PLPPR1: variants seen among roughly 807,000 people sequenced by gnomAD.
PLPPR1 encodes phospholipid phosphatase-related protein type 1.
A neutral mutation model predicts 33.1 loss-of-function variants in PLPPR1; 10 were observed. That is an observed-to-expected ratio of 0.30 (90% CI 0.19 to 0.51). The LOEUF is 0.51. Ranked by LOEUF, PLPPR1 falls within the 20% of genes least tolerant of loss-of-function variation. The probability of loss-of-function intolerance (pLI) is 0.97; values close to 1 mark genes in which losing one functional copy is unlikely to be tolerated. For synonymous variants in PLPPR1, 151 were observed against 151.0 expected (o/e 1.00, Z 0.00); for missense variants, 304 against 408.1 (o/e 0.74, Z 2.20).
intron 1 of PLPPR1, among the ~76,000 whole-genome samples, chr9:101,030,116 T>C (rs1005212732): frequency 6.6e-6 from 1 of 151,990 alleles, no homozygotes; most frequent in Non-Finnish European, 1.5e-5. Flanking sequence ...GAAAAGGATT[T>C]CCTAAAATCC....
At chr9:101,220,254 A>G (rs999928036) in intron 2 of PLPPR1, among the ~76,000 whole-genome samples, 2 of 152,210 alleles carry the variant, frequency 1.3e-5, no homozygotes, top group African/African-American at 4.8e-5. Flanking sequence ...TGATACTTCT[A>G]TATGAACTTC....
chr9:101,103,287 G>A (rs12340172), intron 1 of PLPPR1, among the ~76,000 whole-genome samples: 228 of 91,310 alleles, frequency 2.5e-3, no homozygotes, highest in Middle Eastern at 0.013. Flanking sequence ...TAGGTCTAAC[G>A]TTTAAATCTT....
chr9:101,296,378 G>A (rs1437376495), intron 4 of PLPPR1, among the ~76,000 whole-genome samples: 1 of 151,510 alleles, frequency 6.6e-6, no homozygotes, highest in African/African-American at 2.5e-5. Flanking sequence ...AACCATTGTG[G>A]AAGTCAGTGT....
intron 1 of PLPPR1, among the ~76,000 whole-genome samples, chr9:101,054,797 C>G (rs941544561): frequency 1.3e-5 from 2 of 152,164 alleles, no homozygotes; most frequent in African/African-American, 4.8e-5. Flanking sequence ...GCCGCAAAAC[C>G]TCTCCGTGTG....
At chr9:101,239,029 C>T (rs1364617285) in intron 2 of PLPPR1, among the ~76,000 whole-genome samples, 1 of 150,188 alleles carries the variant, frequency 6.7e-6, no homozygotes, top group African/African-American at 2.5e-5. Context: ...TCAAGGCTTA[C>T]TCATGCTGAA....
chr9:101,281,033 C>CA (rs1017734822), intron 3 of PLPPR1, among the ~76,000 whole-genome samples: 13 of 151,400 alleles, frequency 8.6e-5, no homozygotes, highest in African/African-American at 2.4e-4. Context: ...AAGACTCCAC[C>CA]AAAAAAAACC....
intron 5 of PLPPR1, among the ~76,000 whole-genome samples, chr9:101,309,687 A>T (rs1319941135): frequency 6.6e-6 from 1 of 152,050 alleles, no homozygotes; most frequent in Non-Finnish European, 1.5e-5. Flanking sequence ...ATGTTTTGAT[A>T]ATCACCTAAT....
chr9:101,160,514 A>G (rs1042418709), intron 1 of PLPPR1, among the ~76,000 whole-genome samples: 1 of 152,194 alleles, frequency 6.6e-6, no homozygotes, highest in Non-Finnish European at 1.5e-5. Flanking sequence ...TTGGGTCTTC[A>G]AACTTTCATC....
At chr9:101,073,488 A>AG (rs1301924453) in intron 1 of PLPPR1, among the ~76,000 whole-genome samples, 4 of 151,828 alleles carry the variant, frequency 2.6e-5, no homozygotes, top group African/African-American at 9.7e-5. Flanking sequence ...TATGCTAAAA[A>AG]AAAAAGCTCA....
At chr9:101,078,170 GAAGAA>G (rs1830567828) in intron 1 of PLPPR1, among the ~76,000 whole-genome samples, 1 of 40,364 alleles carries the variant, frequency 2.5e-5, no homozygotes, top group Admixed American at 2.6e-4. Context: ...AGAAGAAGAA[GAAGAA>G]GAAGAAGAAG....
At chr9:101,138,636 G>A (rs997380035) in intron 1 of PLPPR1, among the ~76,000 whole-genome samples, 1 of 152,206 alleles carries the variant, frequency 6.6e-6, no homozygotes, top group Non-Finnish European at 1.5e-5. Context: ...GCTCTCACTA[G>A]CTGTGTGACC....
intron 3 of PLPPR1, among the ~76,000 whole-genome samples, chr9:101,283,667 T>C (rs1828341049): frequency 6.6e-6 from 1 of 152,052 alleles, no homozygotes; most frequent in Non-Finnish European, 1.5e-5. Flanking sequence ...TACATCAAAC[T>C]AAAATGCTTC....
intron 2 of PLPPR1, among the ~76,000 whole-genome samples, chr9:101,234,349 G>T (rs1827251663): frequency 6.6e-6 from 1 of 151,810 alleles, no homozygotes; most frequent in Admixed American, 6.6e-5. Context: ...GTTCTAAAAA[G>T]TTTTCTCATC....
intron 1 of PLPPR1, among the ~76,000 whole-genome samples, chr9:101,167,398 G>T (rs914972838): frequency 6.6e-5 from 10 of 150,926 alleles, no homozygotes; most frequent in Admixed American, 2.6e-4. Flanking sequence ...GACCATAAAG[G>T]GCTGTCTAAT....
At chr9:101,239,115 A>G (rs1483314729) in intron 2 of PLPPR1, among the ~76,000 whole-genome samples, 2 of 150,676 alleles carry the variant, frequency 1.3e-5, no homozygotes, top group African/African-American at 2.4e-5. Context: ...TTCTTTATGC[A>G]TTTATTTGTT....
intron 1 of PLPPR1, among the ~76,000 whole-genome samples, chr9:101,118,646 C>T (rs1176207624): frequency 6.6e-6 from 1 of 152,114 alleles, no homozygotes; most frequent in Non-Finnish European, 1.5e-5. Context: ...TTAGATCATG[C>T]TAAGGGGTTT....
chr9:101,033,692 G>A (rs987473334), intron 1 of PLPPR1, among the ~76,000 whole-genome samples: 3 of 152,100 alleles, frequency 2.0e-5, no homozygotes, highest in African/African-American at 7.2e-5. Flanking sequence ...GCCAGGACTT[G>A]TTTAAATGCC....
intron 1 of PLPPR1, among the ~76,000 whole-genome samples, chr9:101,109,302 G>A (rs1323038020): frequency 2.6e-5 from 4 of 151,970 alleles, no homozygotes; most frequent in East Asian, 1.9e-4. Flanking sequence ...AGGGTATAAA[G>A]GGGTCCTGAA....
intron 1 of PLPPR1, among the ~76,000 whole-genome samples, chr9:101,065,043 G>A (rs993718800): frequency 2.0e-5 from 3 of 152,000 alleles, no homozygotes; most frequent in African/African-American, 7.2e-5. Context: ...ACTTTTAGGG[G>A]ACACAATCAA....
Sources: gnomAD v4.1 joint callset for allele counts (sites outside exome capture counted in the v4.1 genomes callset) on GRCh38, gnomAD v4.1.1 for gene constraint, MANE v1.5 for transcripts, NCBI Gene and HGNC (gene_info 2026-07-23, HGNC 2026-07-21) for gene names.